The following MYO7B variants were observed in gnomAD, a reference collection of about 807,000 sequenced individuals.
The protein encoded by MYO7B is unconventional myosin-VIIb.
A neutral mutation model predicts 259.7 loss-of-function variants in MYO7B; 212 were observed. The observed-to-expected ratio is 0.82, with a 90% CI of 0.73 to 0.91. The LOEUF is 0.91. MYO7B is among the 40% of genes least tolerant of loss of function. The pLI is 0.00. For missense variants in MYO7B, 2,732 were observed against 2,813.5 expected, an observed-to-expected ratio of 0.97 and a Z score of 0.66; for synonymous variants, 1,197 against 1,166.4, an observed-to-expected ratio of 1.03 and a Z score of -0.54.
Position 127,581,919 on chromosome 2 carries a change from T to C in MYO7B, c.1109T>C (p.Leu370Pro). 1 of 1,613,860 alleles carries C rather than the reference T, an allele frequency of 6.2e-7. No homozygotes were observed. Among genetic ancestry groups the C allele is most frequent in the Non-Finnish European group, 8.5e-7 (1 of 1,179,854 alleles). Residue 370 changes from leucine to proline, a missense_variant, in exon 11 of 48, where the codon CTG becomes CCG. Leu to Pro is a moderately conservative substitution (Grantham distance 98). Coordinates refer to ENST00000409816, the MANE Select transcript of MYO7B (RefSeq NM_001393586.1). ...EVQHQELRDC[L>P]IKHTILIRGE... ...CAGCACCAGGAGCTCCGGGACTGTCTGATCAAGCACACCATCCTCATCCGA... is the reference window on the plus strand; with the variant it reads ...CAGCACCAGGAGCTCCGGGACTGTCCGATCAAGCACACCATCCTCATCCGA...
intron 20 of MYO7B, among the ~76,000 whole-genome samples, chr2:127,606,557 C>G (rs77193893): frequency 0.07 from 10,692 of 152,252 alleles, 764 homozygotes; most frequent in African/African-American, 0.18. Context: ...TAAACCAACT[C>G]TGTACGTCAA....
rs1009140989 is a variant in MYO7B, at chr2:127,582,934, G to T, written c.1343+488G>T. On this transcript the variant is annotated intron_variant, in intron 12 of 47. Transcript: ENST00000409816. ...GCTGGAGAGCTGTAACCAGGAGGCA[G>T]GTCAGAAAATAGCTGCAAGCTATGA... is the stretch of plus-strand genomic sequence containing the variant. Among the ~76,000 whole-genome samples, 3 of 152,340 alleles carry T rather than the reference G, an allele frequency of 2.0e-5. No homozygotes were observed. The East Asian group carries it at 5.8e-4, about 29-fold the overall frequency.
Position 127,608,845 on chromosome 2 carries a change from G to C in MYO7B, c.2781G>C (p.Gly927=). The change falls in exon 22 of 48, where the codon GGG becomes GGC. Residue 927 remains glycine (G), a synonymous_variant. Coordinates refer to ENST00000409816, the MANE Select transcript of MYO7B (RefSeq NM_001393586.1). ...KVFGFLPAMI[G]GQEGQASPHF... ...TCGGCTTCCTCCCTGCCATGATTGGGGGCCAGGAGGGCCAGGCCTCGCCGC... is the reference window on the plus strand; with the variant it reads ...TCGGCTTCCTCCCTGCCATGATTGGCGGCCAGGAGGGCCAGGCCTCGCCGC... 6.2e-7 allele frequency: 1 copy of C among 1,613,280 alleles called. No individual in the cohort carries two copies. Among genetic ancestry groups the C allele is most frequent in the Non-Finnish European group, 8.5e-7 (1 of 1,179,782 alleles).
At position 127,596,686 on chromosome 2, in the gene MYO7B, G is replaced by A. The variant is rs1442609059; in HGVS notation, c.2339+130G>A. On this transcript the variant is annotated intron_variant, in intron 19 of 47. Transcript: ENST00000409816. ...CCTGGGGTTACTGAGATCTTCCAAT[G>A]CCTTCCAACCAGGGACACTGCAGCC... 5.5e-6 allele frequency: 4 copies of A among 722,552 alleles called. No homozygotes were observed. The African/African-American group carries it at 7.0e-5, about 13-fold the overall frequency. 44.8% of individuals were successfully genotyped at this position (722,552 alleles called of 1,614,324 possible).
intron 6 of MYO7B, 109 bp downstream of exon 6, chr2:127,570,019 T>A (rs1678528528): frequency 7.6e-7 from 1 of 1,319,816 alleles, no homozygotes; most frequent in Non-Finnish European, 1.0e-6. Context: ...CAGCAACTCC[T>A]CCAGACCCTT....
At chr2:127,549,700 A>T (rs1377035484) in intron 1 of MYO7B, among the ~76,000 whole-genome samples, 2 of 152,150 alleles carry the variant, frequency 1.3e-5, no homozygotes, top group African/African-American at 4.8e-5. Flanking sequence ...GGACATGTCC[A>T]GGGAGAGGGG....
chr2:127,628,333 G>A lies in MYO7B; in HGVS notation c.4461-39G>A, dbSNP rs2105113792. The A allele has an allele frequency of 6.4e-7, 1 of 1,570,798 alleles. No homozygotes were observed. Among genetic ancestry groups the A allele is most frequent in the Non-Finnish European group, 8.6e-7 (1 of 1,161,226 alleles). On this transcript the variant is annotated intron_variant, in intron 33 of 47. Coordinates refer to ENST00000409816, the MANE Select transcript of MYO7B (RefSeq NM_001393586.1). The surrounding 1 kb of genome is among the most constrained non-coding windows in gnomAD (Gnocchi z 4.8). The stretch of plus-strand genomic sequence containing the variant: ...TGTTTAGGGGCTGGATCAGGGGAAG[G>A]TGGAGGGGGCTCCTGGTCACGCTGT...
chr2:127,635,169 G>A lies in MYO7B; in HGVS notation c.5763G>A (p.Trp1921Ter). 1.2e-6 allele frequency: 2 copies of A among 1,613,660 alleles called. No homozygotes were observed. The highest frequency in any genetic ancestry group is 1.7e-6 in the Non-Finnish European group (2 of 1,179,776). The change falls in exon 43 of 48, where the codon TGG becomes TGA. Residue 1921 changes from tryptophan (W) to a stop codon, truncating the protein, a stop_gained. Transcript: ENST00000409816. LOFTEE classifies it high-confidence loss of function. ...AGGTGTACTTCATGCGGAAATTGTGGCTCAACATATCTCCAGGGAAGGATG... is the reference window on the plus strand; with the variant it reads ...AGGTGTACTTCATGCGGAAATTGTGACTCAACATATCTCCAGGGAAGGATG... ...PYQVYFMRKL[W>*]LNISPGKDVN...
chr2:127,580,879 T>C (rs1049443938), intron 10 of MYO7B, 57 bp downstream of exon 10: 9 of 1,508,714 alleles, frequency 6.0e-6, no homozygotes, highest in Middle Eastern at 1.7e-4. Flanking sequence ...AGGCCTGGGC[T>C]GACAGACCCC....
intron 35 of MYO7B, 40 bp downstream of exon 35, chr2:127,629,866 A>AG (rs746275631): frequency 1.1e-5 from 17 of 1,519,318 alleles, no homozygotes; most frequent in Non-Finnish European, 1.4e-5. Context: ...TGGGTACCCG[A>AG]GGTCAGGGTG....
chr2:127,614,156 T>C lies in MYO7B; in HGVS notation c.3398+1553T>C, dbSNP rs1680487971. The stretch of plus-strand genomic sequence containing the variant: ...CAGACACATAAAAGCTATATTCGAA[T>C]GATGTGTACTTTGGGTTCTTCAGAC... On this transcript the variant is annotated intron_variant, in intron 26 of 47. Transcript: ENST00000409816. This position sits in a 1 kb window ranked among gnomAD's most constrained non-coding sequence, Gnocchi z 4.6. Among the ~76,000 whole-genome samples the C allele has an allele frequency of 6.6e-6, 1 of 152,156 alleles. No homozygotes were observed. Among genetic ancestry groups the C allele is most frequent in the Non-Finnish European group, 1.5e-5 (1 of 68,044 alleles).
Position 127,559,560 on chromosome 2 carries a change from T to C in MYO7B, c.-23-140T>C. 2.7e-6 allele frequency: 2 copies of C among 733,330 alleles called. No homozygotes were observed. The highest frequency in any genetic ancestry group is 4.8e-6 in the Non-Finnish European group (2 of 416,204). The allele number at this position is 733,330 out of a possible 1,614,324, so 45.4% of individuals were successfully genotyped here. ...GCTAGGACTGTGACTCATTCATCCA[T>C]TTATTCAGCATTGTTTTTGAGCCAG... is the stretch of plus-strand genomic sequence containing the variant. On this transcript the variant is annotated intron_variant, in intron 1 of 47. Coordinates refer to ENST00000409816, the MANE Select transcript of MYO7B (RefSeq NM_001393586.1). The surrounding 1 kb of genome is among the most constrained non-coding windows in gnomAD (Gnocchi z 4.1).
chr2:127,579,378 C>T (rs1679010413), intron 9 of MYO7B, among the ~76,000 whole-genome samples: 2 of 152,176 alleles, frequency 1.3e-5, no homozygotes, highest in East Asian at 1.9e-4. Context: ...CACCATCTCA[C>T]GCCATGTGAG....
In MYO7B at chr2:127,610,022, T is replaced by A; in HGVS notation, c.3192+6T>A. On this transcript the variant is annotated splice_donor_region_variant and intron_variant, in intron 24 of 47. Coordinates refer to ENST00000409816, the MANE Select transcript of MYO7B (RefSeq NM_001393586.1). Reference sequence around the variant, plus strand: ...AGCACAGTAGATCTGCACAGGCAAGTGGGGGGCAGCAGCGGGCAGAGGAGG... The same window carrying A: ...AGCACAGTAGATCTGCACAGGCAAGAGGGGGGCAGCAGCGGGCAGAGGAGG... 6.2e-7 allele frequency: 1 copy of A among 1,608,140 alleles called. No homozygotes were observed. The highest frequency in any genetic ancestry group is 8.5e-7 in the Non-Finnish European group (1 of 1,177,996).
At chr2:127,562,307 A>C (rs1028186603) in intron 2 of MYO7B, among the ~76,000 whole-genome samples, 5 of 151,750 alleles carry the variant, frequency 3.3e-5, no homozygotes, top group Non-Finnish European at 7.4e-5. Context: ...TTTTTTATTT[A>C]TGTATTCTTT....
In MYO7B at chr2:127,598,724, A is replaced by G. The variant is rs539381318; in HGVS notation, c.2339+2168A>G. Among the ~76,000 whole-genome samples, 4 of 152,336 alleles carry G rather than the reference A, an allele frequency of 2.6e-5. No homozygotes were observed. In the South Asian group the frequency reaches 8.3e-4, roughly 32 times the overall value. On this transcript the variant is annotated intron_variant, in intron 19 of 47. Transcript: ENST00000409816. ...TAAATATGTTACATGTAGGTCCATG[A>G]TACATTCCCATTTTGAATTAATTTT...
chr2:127,553,159 T>A (rs1693514646), intron 1 of MYO7B, among the ~76,000 whole-genome samples: 1 of 152,252 alleles, frequency 6.6e-6, no homozygotes, highest in South Asian at 2.1e-4. Flanking sequence ...CTGATGGCTA[T>A]GGCCTTATAA....
Position 127,627,365 on chromosome 2 carries a change from T to TGG in MYO7B, c.4460+59_4460+60dup. On this transcript the variant is annotated intron_variant, in intron 33 of 47. Coordinates refer to ENST00000409816, the MANE Select transcript of MYO7B (RefSeq NM_001393586.1). The surrounding 1 kb of genome is among the most constrained non-coding windows in gnomAD (Gnocchi z 5.6). ...ACACACTGAGTCCTTGTGATGCATC[T>TGG]GGGGGCTCGGGGAGAGATGGGGAGA... The TGG allele has an allele frequency of 2.8e-6, 2 of 717,462 alleles. No individual in the cohort carries two copies. The highest frequency in any genetic ancestry group is 2.1e-6 in the Non-Finnish European group (1 of 482,028). 44.4% of individuals were successfully genotyped at this position (717,462 alleles called of 1,614,324 possible).
rs4662741 is a variant in MYO7B, at chr2:127,584,972, G to T, written c.1690+59G>T. ...ATCTGGACCGGGTTCCAGGGAGACC[G>T]TGGAAAGCAGGCTCAGAGGATGAGG... On this transcript the variant is annotated intron_variant, in intron 14 of 47. Transcript: ENST00000409816. The surrounding 1 kb of genome is among the most constrained non-coding windows in gnomAD (Gnocchi z 5.8). The T allele has an allele frequency of 6.9e-6, 11 of 1,596,642 alleles. No individual in the cohort carries two copies. Among genetic ancestry groups the T allele is most frequent in the Non-Finnish European group, 8.6e-6 (10 of 1,169,426 alleles).
Sources: allele counts gnomAD v4.1 joint callset (sites outside exome capture counted in the v4.1 genomes callset), GRCh38; gene constraint gnomAD v4.1.1; non-coding constraint Gnocchi (gnomAD v3.1); transcripts MANE v1.5; gene names NCBI Gene and HGNC (gene_info 2026-07-23, HGNC 2026-07-21).